DGKI: variants seen among roughly 807,000 people sequenced by gnomAD.
The protein encoded by DGKI is DAG kinase iota.
Under a neutral mutation model 147.5 loss-of-function variants are expected in DGKI, and 55 were observed. The observed-to-expected ratio is 0.37, with a 90% confidence interval of 0.30 to 0.47. DGKI has a LOEUF of 0.47. DGKI is among the 20% of genes least tolerant of loss of function. DGKI has a pLI of 1.00. For synonymous variants in DGKI, 469 were observed against 477.1 expected (o/e 0.98, Z 0.22); for missense variants, 1,007 against 1,323.8 (o/e 0.76, Z 3.71).
intron 1 of DGKI, among the ~76,000 whole-genome samples, chr7:137,831,701 C>T (rs1276539000): frequency 6.6e-6 from 1 of 152,186 alleles, no homozygotes; most frequent in Non-Finnish European, 1.5e-5. Context: ...CTCATGTCCT[C>T]ACATTTCAAA....
At chr7:137,509,937 G>A (rs1296546239) in intron 21 of DGKI, among the ~76,000 whole-genome samples, 2 of 151,968 alleles carry the variant, frequency 1.3e-5, no homozygotes, top group Non-Finnish European at 2.9e-5. Flanking sequence ...AAATGAGAAA[G>A]AAAATCCCAG....
chr7:137,778,007 A>G lies in DGKI; in HGVS notation c.401+68455T>C, dbSNP rs117805047. Among the ~76,000 whole-genome samples, 585 of 152,358 alleles carry G rather than the reference A, an allele frequency of 3.8e-3. 4 individuals are homozygous for G. The highest frequency in any genetic ancestry group is 6.4e-3 in the Non-Finnish European group (435 of 68,024). ...TACTAGGCGATTGGCAATCACAGGT[A>G]AGACATGGACCCTACCAAGGCGTAC... On this transcript the variant is annotated intron_variant, in intron 1 of 32. Coordinates refer to ENST00000614521, the MANE Select transcript of DGKI (RefSeq NM_001321708.2).
intron 1 of DGKI, among the ~76,000 whole-genome samples, chr7:137,747,619 A>T (rs886912847): frequency 6.6e-6 from 1 of 152,204 alleles, no homozygotes; most frequent in Admixed American, 6.5e-5. Context: ...TGTGGAATGT[A>T]CTTTTATTTT....
intron 1 of DGKI, among the ~76,000 whole-genome samples, chr7:137,770,909 A>G (rs532930339): frequency 1.3e-5 from 2 of 152,310 alleles, no homozygotes; most frequent in South Asian, 2.1e-4. Flanking sequence ...ATAGTCTTGA[A>G]GTGAACCAAA....
intron 13 of DGKI, among the ~76,000 whole-genome samples, chr7:137,586,749 C>G (rs1819416141): frequency 6.6e-6 from 1 of 152,280 alleles, no homozygotes; most frequent in Middle Eastern, 3.4e-3. Flanking sequence ...GCTATCCTAG[C>G]TGGGGCTGAG....
chr7:137,480,726 T>A (rs1428558255), intron 23 of DGKI, among the ~76,000 whole-genome samples: 2 of 152,194 alleles, frequency 1.3e-5, no homozygotes, highest in African/African-American at 2.4e-5. Context: ...AGTTAATTCT[T>A]AGAGAAAGTA....
At chr7:137,689,155 A>T (rs1373141865) in intron 2 of DGKI, among the ~76,000 whole-genome samples, 2 of 152,232 alleles carry the variant, frequency 1.3e-5, no homozygotes, top group Admixed American at 1.3e-4. Flanking sequence ...GTGCTAAACA[A>T]GGTTCATCAT....
chr7:137,646,758 T>G (rs1008616908), intron 5 of DGKI, among the ~76,000 whole-genome samples: 1 of 152,164 alleles, frequency 6.6e-6, no homozygotes, highest in Admixed American at 6.5e-5. Context: ...TTCAAAATTT[T>G]CCTACATGCA....
intron 1 of DGKI, among the ~76,000 whole-genome samples, chr7:137,793,355 C>T (rs796135783): frequency 4.0e-5 from 6 of 151,194 alleles, no homozygotes; most frequent in African/African-American, 1.5e-4. Context: ...GGCTGGAGTG[C>T]AGTGGTATGA....
chr7:137,457,583 A>G (rs1228829449), intron 27 of DGKI, among the ~76,000 whole-genome samples: 1 of 152,148 alleles, frequency 6.6e-6, no homozygotes, highest in African/African-American at 2.4e-5. Context: ...TTCTCGATAT[A>G]GTGATTCAGA....
chr7:137,806,763 A>G (rs1485210608), intron 1 of DGKI, among the ~76,000 whole-genome samples: 1 of 152,140 alleles, frequency 6.6e-6, no homozygotes, highest in East Asian at 1.9e-4. Flanking sequence ...CAGGACTAAG[A>G]TTGGCAATAG....
intron 15 of DGKI, among the ~76,000 whole-genome samples, chr7:137,580,799 G>A (rs1004079322): frequency 1.3e-5 from 2 of 152,056 alleles, no homozygotes; most frequent in African/African-American, 4.8e-5. Context: ...CTAGCTTTTA[G>A]TGCTCTGTTA....
intron 1 of DGKI, among the ~76,000 whole-genome samples, chr7:137,744,946 G>A (rs2116724835): frequency 6.6e-6 from 1 of 152,206 alleles, no homozygotes; most frequent in Non-Finnish European, 1.5e-5. Flanking sequence ...TGCTGAATGT[G>A]CAAAAGTTGG....
rs141442171 is a variant in DGKI at position 137,482,675 on chromosome 7, G to A, written c.2373+2699C>T. Among the ~76,000 whole-genome samples, 706 of 151,968 alleles carry A rather than the reference G, an allele frequency of 4.6e-3. 4 individuals carry two copies. Among genetic ancestry groups the A allele is most frequent in the South Asian group, 0.024 (117 of 4,808 alleles). ...ATGAAAGTTTATCTCTCCCAGCTTC[G>A]TGCTTCAACCAGTTCTCCTTGCCCT... On this transcript the variant is annotated intron_variant, in intron 23 of 32. Coordinates refer to ENST00000614521, the MANE Select transcript of DGKI (RefSeq NM_001321708.2).
chr7:137,507,276 A>G (rs1479458344), intron 21 of DGKI, among the ~76,000 whole-genome samples: 1 of 152,240 alleles, frequency 6.6e-6, no homozygotes, highest in Non-Finnish European at 1.5e-5. Flanking sequence ...GAGCTAAACC[A>G]GGTCCTGTCT....
intron 1 of DGKI, among the ~76,000 whole-genome samples, chr7:137,782,649 T>C (rs1796552783): frequency 6.6e-6 from 1 of 152,104 alleles, no homozygotes; most frequent in Admixed American, 6.5e-5. Context: ...GCTGATGCAC[T>C]CTTGAAAGCA....
At position 137,599,910 on chromosome 7, in the gene DGKI, A is replaced by G; in HGVS notation, c.1168-5T>C. ...CATCTGCAGGACTTTGGTTCCCTGT[A>G]AAAAATAAATACACAAAAAGGCAAT... On this transcript the variant is annotated splice_region_variant and splice_polypyrimidine_tract_variant and intron_variant, in intron 10 of 32. Coordinates refer to ENST00000614521, the MANE Select transcript of DGKI (RefSeq NM_001321708.2). The G allele has an allele frequency of 6.2e-7, 1 of 1,610,710 alleles. No individual in the cohort carries two copies. The highest frequency in any genetic ancestry group is 1.3e-5 in the African/African-American group (1 of 74,984).
At chr7:137,719,312 T>A (rs1036831272) in intron 1 of DGKI, among the ~76,000 whole-genome samples, 1 of 152,052 alleles carries the variant, frequency 6.6e-6, no homozygotes, top group Non-Finnish European at 1.5e-5. Context: ...CTGTCTCAAC[T>A]TTTTTAGGAA....
intron 12 of DGKI, among the ~76,000 whole-genome samples, chr7:137,590,338 T>C (rs749945463): frequency 6.6e-6 from 1 of 152,190 alleles, no homozygotes; most frequent in Non-Finnish European, 1.5e-5. Flanking sequence ...AGCCTCACTC[T>C]GGTAAGTGCT....
Sources: allele counts gnomAD v4.1 joint callset (sites outside exome capture counted in the v4.1 genomes callset), GRCh38; gene constraint gnomAD v4.1.1; transcripts MANE v1.5; gene names NCBI Gene and HGNC (gene_info 2026-07-23, HGNC 2026-07-21).